The following SLC4A4 variants were observed in gnomAD, a reference collection of about 807,000 sequenced individuals.
The protein encoded by SLC4A4 is electrogenic sodium bicarbonate cotransporter 1.
SLC4A4 carries 27 observed loss-of-function variants against 111.5 expected under a neutral mutation model. That is an observed-to-expected ratio of 0.24 (90% CI 0.18 to 0.33). The LOEUF (loss-of-function observed/expected upper bound fraction) is 0.33, where lower values mean the gene tolerates loss of function less well. Among genes scored for constraint, SLC4A4 ranks in the 10% least tolerant of loss-of-function variants. The pLI, the probability that SLC4A4 is intolerant of heterozygous loss-of-function variation, is 1.00. For synonymous variants in SLC4A4, 443 were observed against 463.4 expected (o/e 0.96, Z 0.57); for missense variants, 909 against 1,315.5 (o/e 0.69, Z 4.78).
At chr4:71,208,567 A>C (rs1188549865) in intron 1 of SLC4A4, among the ~76,000 whole-genome samples, 1 of 151,120 alleles carries the variant, frequency 6.6e-6, no homozygotes, top group Non-Finnish European at 1.5e-5. Context: ...AATTTATCAC[A>C]TTATATTAAA....
chr4:71,088,448 T>C (rs1578466931), intron 1 of SLC4A4, among the ~76,000 whole-genome samples: 2 of 152,198 alleles, frequency 1.3e-5, no homozygotes, highest in South Asian at 2.1e-4. Flanking sequence ...CCTGTCATCA[T>C]GATGTTAGCT....
chr4:71,365,168 T>A (rs1731132177), intron 6 of SLC4A4, among the ~76,000 whole-genome samples: 1 of 152,182 alleles, frequency 6.6e-6, no homozygotes. Context: ...ACATCTAGGG[T>A]CTGTGAGAGA....
At chr4:71,539,002 T>A (rs923390152) in intron 18 of SLC4A4, among the ~76,000 whole-genome samples, 1 of 151,950 alleles carries the variant, frequency 6.6e-6, no homozygotes, top group Admixed American at 6.6e-5. Context: ...TGTTATAGAT[T>A]GGGGGTAGGA....
At chr4:71,095,770 A>G (rs1178659314) in intron 2 of SLC4A4, among the ~76,000 whole-genome samples, 5 of 152,206 alleles carry the variant, frequency 3.3e-5, no homozygotes, top group Admixed American at 1.3e-4. Flanking sequence ...AATAATGTAT[A>G]ATGAGGGCTA....
intron 7 of SLC4A4, among the ~76,000 whole-genome samples, chr4:71,424,162 C>T (rs1722847238): frequency 6.6e-6 from 1 of 151,988 alleles, no homozygotes; most frequent in African/African-American, 2.4e-5. Context: ...CAAACAACCC[C>T]ATCAAAAAGT....
intron 16 of SLC4A4, among the ~76,000 whole-genome samples, chr4:71,501,004 A>C (rs1173597234): frequency 6.6e-6 from 1 of 152,090 alleles, no homozygotes; most frequent in Non-Finnish European, 1.5e-5. Flanking sequence ...ATATCATTGG[A>C]ATTTGGATAG....
intron 1 of SLC4A4, among the ~76,000 whole-genome samples, chr4:71,204,743 A>T (rs1560778179): frequency 6.6e-6 from 1 of 152,200 alleles, no homozygotes; most frequent in Non-Finnish European, 1.5e-5. Context: ...ATCATTTTAA[A>T]CAATAGTTTT....
chr4:71,317,163 A>C (rs1421398764), intron 3 of SLC4A4, among the ~76,000 whole-genome samples: 1 of 151,918 alleles, frequency 6.6e-6, no homozygotes, highest in Non-Finnish European at 1.5e-5. Context: ...TTTGAAGCTT[A>C]GGCACATGCA....
At chr4:71,137,193 C>T (rs779332252) in intron 2 of SLC4A4, among the ~76,000 whole-genome samples, 11 of 152,142 alleles carry the variant, frequency 7.2e-5, no homozygotes, top group Non-Finnish European at 1.3e-4. Flanking sequence ...GACATCTGCC[C>T]GCTGACTCCA....
intron 16 of SLC4A4, among the ~76,000 whole-genome samples, chr4:71,529,072 G>A (rs1733695533): frequency 6.6e-6 from 1 of 152,004 alleles, no homozygotes; most frequent in South Asian, 2.1e-4. Context: ...TAATCAAACA[G>A]TCTTTGCTCA....
At chr4:71,242,211 G>A (rs7681575) in intron 2 of SLC4A4, among the ~76,000 whole-genome samples, 1 of 152,168 alleles carries the variant, frequency 6.6e-6, no homozygotes. Context: ...CAAATTGCAC[G>A]TGGTACTTGC....
At chr4:71,511,852 G>A (rs1275943564) in intron 16 of SLC4A4, among the ~76,000 whole-genome samples, 1 of 152,046 alleles carries the variant, frequency 6.6e-6, no homozygotes, top group Non-Finnish European at 1.5e-5. Flanking sequence ...CCACATATGA[G>A]TGATAACATG....
intron 15 of SLC4A4, among the ~76,000 whole-genome samples, chr4:71,495,365 A>G (rs1021787708): frequency 1.3e-5 from 2 of 152,106 alleles, no homozygotes; most frequent in African/African-American, 4.8e-5. Flanking sequence ...TGATTTTAAA[A>G]CAAAGAAACC....
At chr4:71,256,728 C>T (rs971306441) in intron 3 of SLC4A4, among the ~76,000 whole-genome samples, 1 of 152,088 alleles carries the variant, frequency 6.6e-6, no homozygotes, top group African/African-American at 2.4e-5. Context: ...ATAAACATGG[C>T]ACAGTTAATA....
At chr4:71,295,501 A>G (rs1481172813) in intron 3 of SLC4A4, among the ~76,000 whole-genome samples, 1 of 152,214 alleles carries the variant, frequency 6.6e-6, no homozygotes, top group African/African-American at 2.4e-5. Context: ...TAATTCTTCA[A>G]AATTGATTGG....
At chr4:71,101,574 G>A (rs1410110591) in intron 2 of SLC4A4, among the ~76,000 whole-genome samples, 1 of 152,176 alleles carries the variant, frequency 6.6e-6, no homozygotes, top group African/African-American at 2.4e-5. Context: ...CTGGAGATCT[G>A]AGAACGGGCA....
At chr4:71,550,759 T>G (rs1443659848) in intron 20 of SLC4A4, among the ~76,000 whole-genome samples, 2 of 151,958 alleles carry the variant, frequency 1.3e-5, no homozygotes, top group African/African-American at 2.4e-5. Flanking sequence ...TCCTAGTAAT[T>G]TTCTTTCATG....
chr4:71,499,262 A>C (rs1412178368), intron 16 of SLC4A4, among the ~76,000 whole-genome samples: 1 of 152,174 alleles, frequency 6.6e-6, no homozygotes, highest in East Asian at 1.9e-4. Flanking sequence ...AATTTGCAAA[A>C]TAAACTAGTT....
intron 2 of SLC4A4, among the ~76,000 whole-genome samples, chr4:71,145,324 T>C (rs1744132102): frequency 6.6e-6 from 1 of 152,216 alleles, no homozygotes; most frequent in African/African-American, 2.4e-5. Flanking sequence ...ATAAGCTTTT[T>C]GATGTGTTGC....
Sources: allele counts gnomAD v4.1 joint callset (sites outside exome capture counted in the v4.1 genomes callset), GRCh38; gene constraint gnomAD v4.1.1; transcripts MANE v1.5; gene names NCBI Gene and HGNC (gene_info 2026-07-23, HGNC 2026-07-21).